Variants in ACSM3 observed in about 807,000 individuals in gnomAD.
ACSM3 encodes acyl-coenzyme A synthetase ACSM3, mitochondrial.
ACSM3 carries 61 observed loss-of-function variants against 74.1 expected under a neutral mutation model. The ratio of observed to expected loss-of-function variants is 0.82; its 90% CI spans 0.67 to 1.02. The LOEUF is 1.02. Among genes scored for constraint, ACSM3 ranks in the 50% least tolerant of loss-of-function variants. The pLI is 0.00. For synonymous variants in ACSM3, 213 were observed against 241.5 expected (o/e 0.88, Z 1.09); for missense variants, 660 against 697.0 (o/e 0.95, Z 0.60).
At position 20,796,896 on chromosome 16, in the gene ACSM3, T is replaced by C; in HGVS notation, c.1685T>C (p.Ile562Thr). Residue 562 changes from isoleucine to threonine, a missense_variant, in exon 14 of 14, where the codon ATT (isoleucine) becomes ACT (threonine). Ile to Thr is a moderately conservative substitution (Grantham distance 89). Transcript: ENST00000289416. ...PYKYPRKVEF[I>T]QELPKTISGK... is the part of the protein sequence containing the mutation. ...CCTTGATGCCAACAGGTAGAATTTA[T>C]TCAAGAGCTGCCAAAGACTATCAGT... is the stretch of plus-strand genomic sequence containing the variant. 1.2e-6 allele frequency: 2 copies of C among 1,612,258 alleles called. No individual in the cohort carries two copies. Among genetic ancestry groups the C allele is most frequent in the Non-Finnish European group, 1.7e-6 (2 of 1,179,392 alleles).
upstream of ACSM3, among the ~76,000 whole-genome samples, chr16:20,761,422 T>A (rs1371120548): frequency 1.3e-5 from 2 of 152,222 alleles, no homozygotes; most frequent in Non-Finnish European, 2.9e-5. Flanking sequence ...TACTTTTTAG[T>A]TTACAGATTG....
At chr16:20,766,690 A>G (rs2080129428) in intron 1 of ACSM3, 1 of 151,842 alleles carries the variant, frequency 6.6e-6, no homozygotes, top group Non-Finnish European at 1.5e-5. Flanking sequence ...GTGCCACTAC[A>G]CTCCAGTCTG....
chr16:20,771,446 CATTTTTTTAAGCTCCCACAT>C (rs2080193145), intron 2 of ACSM3, among the ~76,000 whole-genome samples: 1 of 138,242 alleles, frequency 7.2e-6, no homozygotes, highest in African/African-American at 2.7e-5. Flanking sequence ...CAGTGAAGCT[CATTTTTTTAAGCTCCCACAT>C]ATGAGTAAGA....
chr16:20,765,018 G>A (rs1380919192), intron 1 of ACSM3, among the ~76,000 whole-genome samples: 1 of 152,170 alleles, frequency 6.6e-6, no homozygotes, highest in Non-Finnish European at 1.5e-5. Flanking sequence ...TTAAACTACT[G>A]TTATTACTTG....
At chr16:20,713,286 C>A (rs2079749999) in intron 1 of ACSM3, among the ~76,000 whole-genome samples, 1 of 152,074 alleles carries the variant, frequency 6.6e-6, no homozygotes, top group Admixed American at 6.6e-5. Context: ...TAACTGCAAT[C>A]ATTATTATAA....
At chr16:20,741,180 G>A (rs1315898527) in intron 1 of ACSM3, among the ~76,000 whole-genome samples, 1 of 152,164 alleles carries the variant, frequency 6.6e-6, no homozygotes, top group Non-Finnish European at 1.5e-5. Context: ...GAGAAGTCGA[G>A]GCTTCCCTGA....
intron 13 of ACSM3, 30 bp from the exon 14 acceptor site, chr16:20,796,856 G>A: frequency 6.2e-7 from 1 of 1,607,496 alleles, no homozygotes; most frequent in Middle Eastern, 1.7e-4. Flanking sequence ...AAAATTTCCA[G>A]GCTAATTTTC....
chr16:20,727,162 C>T (rs1037658298), intron 1 of ACSM3, among the ~76,000 whole-genome samples: 3 of 152,104 alleles, frequency 2.0e-5, no homozygotes, highest in Admixed American at 6.5e-5. Context: ...ACTAATGTGC[C>T]CCATATGCCT....
In ACSM3 at chr16:20,786,074, C is replaced by G; in HGVS notation, c.1144-4C>G. On this transcript the variant is annotated splice_region_variant and splice_polypyrimidine_tract_variant and intron_variant, in intron 8 of 13. Transcript: ENST00000289416. ...TTATCTTACTTTTTCTTCTTCTTAACTAGGTGCTAATCTGTGGAAATTTTA... is the reference window on the plus strand; with the variant it reads ...TTATCTTACTTTTTCTTCTTCTTAAGTAGGTGCTAATCTGTGGAAATTTTA... 1.3e-6 allele frequency: 2 copies of G among 1,537,012 alleles called. No homozygotes were observed. Among genetic ancestry groups the G allele is most frequent in the Non-Finnish European group, 1.8e-6 (2 of 1,135,882 alleles).
chr16:20,716,720 G>A (rs1258068083), intron 1 of ACSM3, among the ~76,000 whole-genome samples: 4 of 152,136 alleles, frequency 2.6e-5, no homozygotes, highest in African/African-American at 7.2e-5. Context: ...AATAAATAGT[G>A]TGGGCTCCTA....
chr16:20,687,131 T>G (rs1250007987), intron 1 of ACSM3, among the ~76,000 whole-genome samples: 1 of 152,018 alleles, frequency 6.6e-6, no homozygotes, highest in South Asian at 2.1e-4. Context: ...GTCCAAGGGT[T>G]GCGGAGGGAC....
chr16:20,741,536 G>A lies in ACSM3; in HGVS notation c.-189-8374G>A, dbSNP rs570939351. Reference sequence around the variant, plus strand: ...TTTCTGGCCCATACATGTCGTCGCCGTATTCGTTGAGGAGGCTGTAGGCCT... The same window carrying A: ...TTTCTGGCCCATACATGTCGTCGCCATATTCGTTGAGGAGGCTGTAGGCCT... On this transcript the variant is annotated intron_variant, in intron 1 of 3. Transcript: ENST00000561584. 3 of 1,344,678 alleles carry A rather than the reference G, an allele frequency of 2.2e-6. 1 individual carries two copies. Among genetic ancestry groups the A allele is most frequent in the East Asian group, 8.6e-5 (2 of 23,256 alleles). 83.3% of individuals were successfully genotyped at this position (1,344,678 alleles called of 1,614,324 possible). A position where few individuals can be genotyped will look rare whatever the true frequency, so the allele number is the denominator to read the frequency against.
In ACSM3 at chr16:20,711,976, T is replaced by C. The variant is rs542776509; in HGVS notation, c.-190+37154T>C. Reference sequence around the variant, plus strand: ...CCTTTTCTTCCTCAAACATGCCCTATCTCAGGGCCTTTGCACCTGCTGTTT... The same window carrying C: ...CCTTTTCTTCCTCAAACATGCCCTACCTCAGGGCCTTTGCACCTGCTGTTT... On this transcript the variant is annotated intron_variant, in intron 1 of 3. Transcript: ENST00000561584. Among the ~76,000 whole-genome samples the C allele has an allele frequency of 3.0e-3, 458 of 152,222 alleles. 1 individual carries two copies. Among genetic ancestry groups the C allele is most frequent in the Admixed American group, 4.9e-3 (75 of 15,282 alleles).
chr16:20,763,227 G>C (rs768458279), upstream of ACSM3, among the ~76,000 whole-genome samples: 2 of 152,184 alleles, frequency 1.3e-5, no homozygotes, highest in Non-Finnish European at 2.9e-5. Context: ...TACCCTCAAG[G>C]GTGATAGTAA....
upstream of ACSM3, among the ~76,000 whole-genome samples, chr16:20,762,913 C>G (rs1487247959): frequency 6.6e-6 from 1 of 152,202 alleles, no homozygotes; most frequent in Non-Finnish European, 1.5e-5. Context: ...GCTAGACACT[C>G]TAGCCTGCGC....
At chr16:20,681,063 C>G (rs1439859861) in intron 1 of ACSM3, 2 of 152,154 alleles carry the variant, frequency 1.3e-5, no homozygotes, top group African/African-American at 4.8e-5. Context: ...GAATGGCCTC[C>G]TGAAAGAATA....
intron 1 of ACSM3, among the ~76,000 whole-genome samples, chr16:20,745,453 C>T (rs1411298689): frequency 6.6e-6 from 1 of 152,098 alleles, no homozygotes; most frequent in Non-Finnish European, 1.5e-5. Context: ...CATGGTGGTG[C>T]ATGCCTGTAA....
rs189867767 is a variant in ACSM3, at chr16:20,781,758, C to T, written c.990C>T (p.Tyr330=). The T allele has an allele frequency of 1.7e-5, 27 of 1,612,710 alleles. No homozygotes were observed. Among genetic ancestry groups the T allele is most frequent in the Admixed American group, 1.0e-4 (6 of 60,012 alleles). Residue 330 remains tyrosine, a synonymous_variant, in exon 7 of 14, where the codon TAC becomes TAT. Coordinates refer to ENST00000289416, the MANE Select transcript of ACSM3 (RefSeq NM_005622.4). ...TCTTCTGTTCAGCACCAACTGTATA[C>T]CGAATGCTTGTACAGAATGATATAA... ...ITVFCSAPTV[Y]RMLVQNDITS...
chr16:20,687,470 T>A (rs1209824878), intron 1 of ACSM3, among the ~76,000 whole-genome samples: 1 of 152,094 alleles, frequency 6.6e-6, no homozygotes, highest in Non-Finnish European at 1.5e-5. Flanking sequence ...TGAAGATTAG[T>A]GAAGGTCTAC....
Sources: gnomAD v4.1 joint callset for allele counts (sites outside exome capture counted in the v4.1 genomes callset) on GRCh38, gnomAD v4.1.1 for gene constraint, MANE v1.5 for transcripts, NCBI Gene and HGNC (gene_info 2026-07-23, HGNC 2026-07-21) for gene names.